The following NDUFS6 variants were observed in gnomAD, a reference collection of about 807,000 sequenced individuals.
NDUFS6 encodes the protein NADH:ubiquinone oxidoreductase subunit S6.
In NDUFS6, 14 loss-of-function variants were observed where a neutral mutation model predicts 13.2. The ratio of observed to expected loss-of-function variants is 1.06; its 90% confidence interval spans 0.70 to 1.66. The LOEUF (loss-of-function observed/expected upper bound fraction) is 1.66, where lower values mean the gene tolerates loss of function less well. NDUFS6 is among the 40% of genes most tolerant of loss of function. NDUFS6 has a pLI of 0.00. For missense variants in NDUFS6, 206 were observed against 170.8 expected, an observed-to-expected ratio of 1.21 and a Z score of -1.15; for synonymous variants, 95 against 72.3, an observed-to-expected ratio of 1.31 and a Z score of -1.60.
chr5:1,802,186 T>C, intron 1 of NDUFS6, 135 bp from the exon 2 acceptor site: 1 of 789,246 alleles, frequency 1.3e-6, no homozygotes, highest in Non-Finnish European at 2.1e-6. Context: ...CACCGAGTAC[T>C]GTGCACTTGT....
intron 2 of NDUFS6, among the ~76,000 whole-genome samples, chr5:1,805,806 C>T (rs1007313107): frequency 2.0e-5 from 3 of 152,214 alleles, no homozygotes; most frequent in Non-Finnish European, 1.5e-5. Flanking sequence ...ATAACAACAG[C>T]CTGGTAGCCA....
Position 1,815,943 on chromosome 5 carries a change from A to C in NDUFS6, c.*27A>C. ...GCGTGTGGCACGCCGGGGGTCCCGC[A>C]GCATCCTGTGAGCATTTCCGCGGGG... is the stretch of plus-strand genomic sequence containing the variant. On this transcript the variant is annotated 3_prime_UTR_variant, in exon 4 of 4. Transcript: ENST00000274137. The C allele has an allele frequency of 6.2e-7, 1 of 1,613,768 alleles. No individual in the cohort carries two copies. Among genetic ancestry groups the C allele is most frequent in the Non-Finnish European group, 8.5e-7 (1 of 1,179,608 alleles).
At chr5:1,810,812 C>T (rs867710036) in intron 2 of NDUFS6, among the ~76,000 whole-genome samples, 5 of 151,838 alleles carry the variant, frequency 3.3e-5, no homozygotes, top group East Asian at 1.9e-4. Context: ...GCCTCTCCCC[C>T]GGCCCCCCAG....
intron 2 of NDUFS6, among the ~76,000 whole-genome samples, chr5:1,804,895 G>C (rs1734099839): frequency 6.6e-6 from 1 of 152,198 alleles, no homozygotes; most frequent in Non-Finnish European, 1.5e-5. Flanking sequence ...GATGTGTAAT[G>C]ACATGTATTC....
In NDUFS6 at chr5:1,814,182, G is replaced by C. The variant is rs1561107822; in HGVS notation, c.187-157G>C. Among the ~76,000 whole-genome samples the C allele has an allele frequency of 6.6e-6, 1 of 152,214 alleles. No homozygotes were observed. Among genetic ancestry groups the C allele is most frequent in the Admixed American group, 6.5e-5 (1 of 15,284 alleles). On this transcript the variant is annotated intron_variant, in intron 2 of 3. Coordinates refer to ENST00000274137, the MANE Select transcript of NDUFS6 (RefSeq NM_004553.6). The surrounding 1 kb of genome is among the most constrained non-coding windows in gnomAD (Gnocchi z 4.9). ...CCAGTGAAAAGTAGATGTGTGTGTA[G>C]GCCCTGAATTTAATAAGGTCTACAA...
At chr5:1,806,981 C>T (rs1217807759) in intron 2 of NDUFS6, among the ~76,000 whole-genome samples, 2 of 152,200 alleles carry the variant, frequency 1.3e-5, no homozygotes, top group Non-Finnish European at 2.9e-5. Context: ...AGGAAGAACG[C>T]TTGACACGCC....
At chr5:1,808,446 AATGGTT>A (rs1303826564) in intron 2 of NDUFS6, among the ~76,000 whole-genome samples, 1 of 152,226 alleles carries the variant, frequency 6.6e-6, no homozygotes, top group Non-Finnish European at 1.5e-5. Flanking sequence ...TGTCAGAAAT[AATGGTT>A]ATAAAGTGAG....
intron 2 of NDUFS6, among the ~76,000 whole-genome samples, chr5:1,809,274 C>G (rs1037251097): frequency 6.6e-6 from 1 of 152,206 alleles, no homozygotes; most frequent in South Asian, 2.1e-4. Context: ...GCTGCTGTGA[C>G]GGTTCTCCCT....
intron 2 of NDUFS6, among the ~76,000 whole-genome samples, chr5:1,810,539 C>T (rs148570359): frequency 2.6e-5 from 4 of 152,306 alleles, no homozygotes; most frequent in East Asian, 1.9e-4. Context: ...AATTTGCCAT[C>T]GTGAGCATCA....
chr5:1,815,975 A>G lies in NDUFS6; in HGVS notation c.*59A>G. 6.4e-7 allele frequency: 1 copy of G among 1,564,080 alleles called. No individual in the cohort carries two copies. The highest frequency in any genetic ancestry group is 1.1e-5 in the South Asian group (1 of 90,126). Reference sequence around the variant, plus strand: ...TGTGAGCATTTCCGCGGGGAAGCTGAGCACGTGAAGCTCGCTGGTTCTGTG... The same window carrying G: ...TGTGAGCATTTCCGCGGGGAAGCTGGGCACGTGAAGCTCGCTGGTTCTGTG... On this transcript the variant is annotated 3_prime_UTR_variant, in exon 4 of 4. Coordinates refer to ENST00000274137, the MANE Select transcript of NDUFS6 (RefSeq NM_004553.6).
chr5:1,801,535 A>C lies in NDUFS6; in HGVS notation c.118A>C (p.Thr40Pro). 1 of 1,591,184 alleles carries C rather than the reference A, an allele frequency of 6.3e-7. No individual in the cohort carries two copies. Among genetic ancestry groups the C allele is most frequent in the Non-Finnish European group, 8.5e-7 (1 of 1,175,652 alleles). ...GGTCTCGCCGACCGGGGAGAAGGTC[A>C]CGCACACTGGCCAGGTAACGGCCGC... Reference protein sequence around the residue: ...VRVSPTGEKVTHTGQVYDDKD... With the variant: ...VRVSPTGEKVPHTGQVYDDKD... The change falls in exon 1 of 4, where the codon ACG (threonine) becomes CCG (proline). Residue 40 changes from threonine to proline, a missense_variant. By Grantham distance (38) the Thr-to-Pro change is conservative. Transcript: ENST00000274137.
chr5:1,801,509 G>A lies in NDUFS6; in HGVS notation c.92G>A (p.Arg31Gln), dbSNP rs770018272. 1.3e-6 allele frequency: 2 copies of A among 1,599,364 alleles called. No homozygotes were observed. Among genetic ancestry groups the A allele is most frequent in the South Asian group, 1.1e-5 (1 of 90,458 alleles). The change falls in exon 1 of 4, where the codon CGG (arginine) becomes CAG (glutamine). Residue 31 changes from arginine (R) to glutamine (Q), a missense_variant. Arg to Gln is a conservative substitution (Grantham distance 43, BLOSUM62 1). Coordinates refer to ENST00000274137, the MANE Select transcript of NDUFS6 (RefSeq NM_004553.6). ...LPLGARCFGV[R>Q]VSPTGEKVTH... Reference sequence around the variant, plus strand: ...CTGGGCGCCAGGTGTTTCGGGGTGCGGGTCTCGCCGACCGGGGAGAAGGTC... The same window carrying A: ...CTGGGCGCCAGGTGTTTCGGGGTGCAGGTCTCGCCGACCGGGGAGAAGGTC...
intron 2 of NDUFS6, among the ~76,000 whole-genome samples, chr5:1,811,927 A>G (rs1243656767): frequency 6.6e-6 from 1 of 152,226 alleles, no homozygotes; most frequent in Non-Finnish European, 1.5e-5. Flanking sequence ...TTGAATACTT[A>G]TATCAAAAGA....
chr5:1,804,386 G>A (rs1380028208), intron 2 of NDUFS6, among the ~76,000 whole-genome samples: 1 of 152,244 alleles, frequency 6.6e-6, no homozygotes, highest in Admixed American at 6.5e-5. Context: ...AACAGAATCA[G>A]GATTGGCGAA....
chr5:1,802,287 A>G (rs760723696), intron 1 of NDUFS6, 34 bp from the exon 2 acceptor site: 1 of 1,597,910 alleles, frequency 6.3e-7, no homozygotes, highest in Non-Finnish European at 8.6e-7. Flanking sequence ...ATTAGGCCGT[A>G]AAAGTCACAC....
intron 2 of NDUFS6, among the ~76,000 whole-genome samples, chr5:1,809,567 A>T (rs1419948378): frequency 1.3e-5 from 2 of 152,214 alleles, no homozygotes; most frequent in Non-Finnish European, 2.9e-5. Flanking sequence ...AGCTGCGCAC[A>T]CTAAATGACG....
intron 2 of NDUFS6, 61 bp downstream of exon 2, chr5:1,802,435 GAAATAA>G: frequency 1.5e-6 from 2 of 1,368,908 alleles, no homozygotes. Context: ...TAACCAACAA[GAAATAA>G]AAATTAATAT....
At chr5:1,812,282 G>C (rs1199534481) in intron 2 of NDUFS6, among the ~76,000 whole-genome samples, 1 of 151,960 alleles carries the variant, frequency 6.6e-6, no homozygotes, top group African/African-American at 2.4e-5. Flanking sequence ...CATGACCTCA[G>C]TACCTCTGAA....
At position 1,815,978 on chromosome 5, in the gene NDUFS6, A is replaced by G. The variant is rs2111365112; in HGVS notation, c.*62A>G. Reference sequence around the variant, plus strand: ...GAGCATTTCCGCGGGGAAGCTGAGCACGTGAAGCTCGCTGGTTCTGTGCGA... The same window carrying G: ...GAGCATTTCCGCGGGGAAGCTGAGCGCGTGAAGCTCGCTGGTTCTGTGCGA... On this transcript the variant is annotated 3_prime_UTR_variant, in exon 4 of 4. Coordinates refer to ENST00000274137, the MANE Select transcript of NDUFS6 (RefSeq NM_004553.6). 1.3e-6 allele frequency: 2 copies of G among 1,562,286 alleles called. No individual in the cohort carries two copies. Among genetic ancestry groups the G allele is most frequent in the Admixed American group, 1.7e-5 (1 of 59,972 alleles).
Sources: gnomAD v4.1 joint callset for allele counts (sites outside exome capture counted in the v4.1 genomes callset) on GRCh38, gnomAD v4.1.1 for gene constraint, Gnocchi (gnomAD v3.1) non-coding constraint, MANE v1.5 for transcripts, NCBI Gene and HGNC (gene_info 2026-07-23, HGNC 2026-07-21) for gene names.